NCOR1: variants seen among roughly 807,000 people sequenced by gnomAD.
The protein encoded by NCOR1 is protein phosphatase 1, regulatory subunit 109.
A neutral mutation model predicts 288.1 loss-of-function variants in NCOR1; 63 were observed. The observed-to-expected ratio is 0.22, with a 90% confidence interval of 0.18 to 0.27. The LOEUF (loss-of-function observed/expected upper bound fraction) is 0.27. Among genes scored for constraint, NCOR1 ranks in the 10% least tolerant of loss-of-function variants. The probability of loss-of-function intolerance (pLI) is 1.00; values close to 1 mark genes in which losing one functional copy is unlikely to be tolerated. For synonymous variants in NCOR1, 1,007 were observed against 1,065.9 expected (o/e 0.94, Z 1.08); for missense variants, 2,397 against 3,019.2 (o/e 0.79, Z 4.83).
intron 1 of NCOR1, among the ~76,000 whole-genome samples, chr17:16,194,978 T>C (rs1335239212): frequency 6.6e-6 from 1 of 152,154 alleles, no homozygotes; most frequent in African/African-American, 2.4e-5. Flanking sequence ...GGTTTTAAAT[T>C]TGGGAGTTGA....
intron 3 of NCOR1, among the ~76,000 whole-genome samples, chr17:16,172,350 C>T (rs1157452855): frequency 6.6e-6 from 1 of 151,038 alleles, no homozygotes; most frequent in East Asian, 1.9e-4. Context: ...TGTGAGACTC[C>T]GTCTTAAAAC....
chr17:16,200,936 T>C (rs1176808612), intron 1 of NCOR1, among the ~76,000 whole-genome samples: 1 of 152,210 alleles, frequency 6.6e-6, no homozygotes, highest in Admixed American at 6.5e-5. Flanking sequence ...GAGCCCAGCA[T>C]GCAGGAGAGG....
At chr17:16,149,802 TAC>T (rs989261090) in intron 8 of NCOR1, among the ~76,000 whole-genome samples, 12 of 152,172 alleles carry the variant, frequency 7.9e-5, no homozygotes, top group Non-Finnish European at 1.5e-4. Flanking sequence ...AAATTAAAAT[TAC>T]AGTTACTTAT....
At chr17:16,032,559 G>C in intron 45 of NCOR1, 76 bp from the exon 46 acceptor site, 2 of 1,359,300 alleles carry the variant, frequency 1.5e-6, no homozygotes, top group Non-Finnish European at 2.0e-6. Flanking sequence ...TTGTAGGATG[G>C]AGTAGAATAG....
chr17:16,048,171 G>T (rs1000514742), intron 41 of NCOR1, among the ~76,000 whole-genome samples: 1 of 152,214 alleles, frequency 6.6e-6, no homozygotes, highest in Admixed American at 6.5e-5. Context: ...TCAGTGGAGG[G>T]TTCAGCACTA....
chr17:16,087,488 G>C, intron 22 of NCOR1: 1 of 333,710 alleles, frequency 3.0e-6, no homozygotes, highest in Non-Finnish European at 5.6e-6. Context: ...TTCACCCACA[G>C]AGAAGTTAAG....
intron 42 of NCOR1, among the ~76,000 whole-genome samples, chr17:16,041,976 T>C (rs971214655): frequency 2.0e-5 from 3 of 152,092 alleles, no homozygotes; most frequent in Non-Finnish European, 4.4e-5. Flanking sequence ...GACCTCGATA[T>C]GCCCGCCTCG....
intron 22 of NCOR1, 28 bp downstream of exon 22, chr17:16,091,835 T>C: frequency 6.2e-7 from 1 of 1,613,318 alleles, no homozygotes; most frequent in Non-Finnish European, 8.5e-7. Context: ...TCATAAAAGT[T>C]CTCTTGGTGA....
Position 16,061,802 on chromosome 17 carries a change from G to A in NCOR1, c.5480C>T (p.Ala1827Val), listed in dbSNP as rs1274175364. The change falls in exon 37 of 46, where the codon GCT becomes GTT. Residue 1827 changes from alanine to valine, a missense_variant. Physicochemically the swap from Ala to Val is moderately conservative, Grantham distance 64. Around this residue, in one of 11 missense-constraint regions of NCOR1, gnomAD observed 1,872 missense variants for 2,187.8 expected, o/e 0.86. Coordinates refer to ENST00000268712, the MANE Select transcript of NCOR1 (RefSeq NM_006311.4). ...ATCCATCTGGGGTGCAGAAGCTGCA[G>A]CATCCACAAGAGCAGCCAGGGCATC... ...AADALAALVDAAASAPQMDVS... is the reference protein window; with the variant it reads ...AADALAALVDVAASAPQMDVS... 1.2e-6 allele frequency: 2 copies of A among 1,614,226 alleles called. No individual in the cohort carries two copies. Among genetic ancestry groups the A allele is most frequent in the Non-Finnish European group, 1.7e-6 (2 of 1,180,042 alleles).
intron 3 of NCOR1, among the ~76,000 whole-genome samples, chr17:16,173,277 C>T (rs1481070360): frequency 6.6e-6 from 1 of 152,110 alleles, no homozygotes; most frequent in Non-Finnish European, 1.5e-5. Flanking sequence ...TCATTCAACA[C>T]ATAGAATTCC....
chr17:16,109,863 A>C (rs917797676), intron 18 of NCOR1, among the ~76,000 whole-genome samples: 3 of 152,032 alleles, frequency 2.0e-5, no homozygotes, highest in Non-Finnish European at 4.4e-5. Flanking sequence ...CCTCCCGAAT[A>C]GTTGGAATTA....
At chr17:16,127,569 G>GTA (rs374200965) in intron 14 of NCOR1, among the ~76,000 whole-genome samples, 1 of 121,384 alleles carries the variant, frequency 8.2e-6, no homozygotes, top group Non-Finnish European at 1.6e-5. Flanking sequence ...ATATATGTAT[G>GTA]TATATATACA....
intron 19 of NCOR1, 188 bp from the exon 20 acceptor site, chr17:16,101,945 G>A: frequency 1.4e-6 from 1 of 718,184 alleles, no homozygotes. Context: ...CCATTGAGAA[G>A]GCTAAAGTTT....
intron 11 of NCOR1, among the ~76,000 whole-genome samples, chr17:16,141,214 A>G (rs950242506): frequency 1.3e-5 from 2 of 152,182 alleles, no homozygotes; most frequent in Non-Finnish European, 2.9e-5. Flanking sequence ...CTGAAATCAT[A>G]TAACAATGCA....
intron 8 of NCOR1, among the ~76,000 whole-genome samples, chr17:16,150,114 T>A (rs908067808): frequency 6.6e-6 from 1 of 152,104 alleles, no homozygotes; most frequent in South Asian, 2.1e-4. Context: ...TCAAAAACAA[T>A]GACATGCAGG....
chr17:16,072,374 G>A (rs376587059), intron 28 of NCOR1, 146 bp from the exon 29 acceptor site: 2 of 518,260 alleles, frequency 3.9e-6, no homozygotes, highest in Non-Finnish European at 6.5e-6. Context: ...CTATCCAGAA[G>A]TACCTAATAT....
intron 14 of NCOR1, among the ~76,000 whole-genome samples, chr17:16,134,744 G>A (rs1192110907): frequency 6.6e-6 from 1 of 152,208 alleles, no homozygotes; most frequent in Non-Finnish European, 1.5e-5. Flanking sequence ...AAGGTACACT[G>A]TATAAGTATC....
Position 16,206,577 on chromosome 17 carries a change from G to A in NCOR1, c.-71+8785C>T, listed in dbSNP as rs568941084. On this transcript the variant is annotated intron_variant, in intron 1 of 45. Transcript: ENST00000268712. ...ATTTTTGTATTTTTAGTAGAGATAG[G>A]GTTTCACCATGTTGGCCAGGCTGGT... Among the ~76,000 whole-genome samples the A allele has an allele frequency of 5.3e-5, 8 of 152,168 alleles. No homozygotes were observed. The South Asian group carries it at 1.7e-3, about 32-fold the overall frequency.
At chr17:16,034,523 A>G (rs1390166111) in intron 45 of NCOR1, among the ~76,000 whole-genome samples, 1 of 152,076 alleles carries the variant, frequency 6.6e-6, no homozygotes, top group Non-Finnish European at 1.5e-5. Flanking sequence ...TGAGAGGATC[A>G]CCTGAGCCTC....
Sources: allele counts gnomAD v4.1 joint callset (sites outside exome capture counted in the v4.1 genomes callset), GRCh38; gene constraint gnomAD v4.1.1; regional missense constraint gnomAD v4.1.1; transcripts MANE v1.5; gene names NCBI Gene and HGNC (gene_info 2026-07-23, HGNC 2026-07-21).